The following CPVL variants were observed in gnomAD, a reference collection of about 807,000 sequenced individuals.
The protein encoded by CPVL is carboxypeptidase vitellogenic like.
Under a neutral mutation model 63.7 loss-of-function variants are expected in CPVL, and 51 were observed. The ratio of observed to expected loss-of-function variants is 0.80; its 90% CI spans 0.64 to 1.01. The LOEUF (loss-of-function observed/expected upper bound fraction) is 1.01, where lower values mean the gene tolerates loss of function less well. Ranked by LOEUF, CPVL falls within the 50% of genes least tolerant of loss-of-function variation. The pLI is 0.00. For synonymous variants in CPVL, 195 were observed against 206.0 expected (o/e 0.95, Z 0.46); for missense variants, 530 against 573.1 (o/e 0.92, Z 0.77).
At chr7:29,074,213 ACTC>A (rs1393782878) in intron 7 of CPVL, among the ~76,000 whole-genome samples, 2 of 152,102 alleles carry the variant, frequency 1.3e-5, no homozygotes, top group African/African-American at 2.4e-5. Flanking sequence ...TTATCCAAGA[ACTC>A]CTCATTGATA....
At chr7:29,167,410 A>G (rs895923387) in intron 5 of CPVL, among the ~76,000 whole-genome samples, 1 of 152,148 alleles carries the variant, frequency 6.6e-6, no homozygotes, top group Non-Finnish European at 1.5e-5. Context: ...CGGACATGAG[A>G]GCTATTTCCA....
intron 11 of CPVL, 150 bp from the exon 12 acceptor site, chr7:29,030,909 C>A: frequency 7.3e-6 from 5 of 681,850 alleles, no homozygotes; most frequent in Non-Finnish European, 1.2e-5. Context: ...GAATAACAAT[C>A]CGAAATAAAC....
At chr7:29,194,722 G>A in intron 1 of CPVL, 1 of 424,354 alleles carries the variant, frequency 2.4e-6, no homozygotes, top group Non-Finnish European at 4.1e-6. Context: ...GTGCAAAGGC[G>A]CGGAGCGGGA....
At chr7:29,160,275 A>G (rs1794998130) in intron 5 of CPVL, among the ~76,000 whole-genome samples, 1 of 152,224 alleles carries the variant, frequency 6.6e-6, no homozygotes, top group African/African-American at 2.4e-5. Flanking sequence ...TGAGCAGTAC[A>G]TTCTGGAACC....
chr7:29,148,690 G>C (rs1056564196), upstream of CPVL: 1 of 152,144 alleles, frequency 6.6e-6, no homozygotes, highest in Non-Finnish European at 1.5e-5. Context: ...CGGATTTGTC[G>C]TGTGTCAGGT....
At chr7:29,130,194 G>C (rs982155355) in intron 1 of CPVL, among the ~76,000 whole-genome samples, 6 of 152,222 alleles carry the variant, frequency 3.9e-5, no homozygotes, top group African/African-American at 1.4e-4. Flanking sequence ...TTGGGATGGA[G>C]GGTGTGAAGG....
At chr7:29,180,482 G>A (rs993418888) in intron 5 of CPVL, among the ~76,000 whole-genome samples, 3 of 151,946 alleles carry the variant, frequency 2.0e-5, no homozygotes, top group Non-Finnish European at 2.9e-5. Context: ...AGCCGAGATC[G>A]CGCCACTGCA....
At chr7:29,003,370 C>T (rs1459217644) in intron 12 of CPVL, among the ~76,000 whole-genome samples, 1 of 152,086 alleles carries the variant, frequency 6.6e-6, no homozygotes, top group Non-Finnish European at 1.5e-5. Context: ...ATCTGCCAAC[C>T]TAGAACTTGT....
chr7:29,167,929 G>A (rs1458481448), intron 5 of CPVL, among the ~76,000 whole-genome samples: 2 of 152,154 alleles, frequency 1.3e-5, no homozygotes, highest in Admixed American at 1.3e-4. Context: ...TGACAAGGAG[G>A]CCTACAACAT....
At chr7:29,073,752 A>G (rs911340889) in intron 7 of CPVL, among the ~76,000 whole-genome samples, 2 of 152,168 alleles carry the variant, frequency 1.3e-5, no homozygotes, top group Non-Finnish European at 2.9e-5. Context: ...TCTCCTACCC[A>G]TACTAGAATA....
intron 1 of CPVL, among the ~76,000 whole-genome samples, chr7:29,135,170 G>A (rs117206113): frequency 0.02 from 3,102 of 151,452 alleles, 47 homozygotes; most frequent in South Asian, 0.031. Context: ...ATCTGCAGAG[G>A]TATAGATATG....
At chr7:29,143,888 A>G (rs1224113551) in intron 1 of CPVL, among the ~76,000 whole-genome samples, 1 of 152,218 alleles carries the variant, frequency 6.6e-6, no homozygotes, top group Non-Finnish European at 1.5e-5. Context: ...GTTCAAGGTT[A>G]TACCTCTAAT....
intron 3 of CPVL, among the ~76,000 whole-genome samples, chr7:29,111,454 G>T (rs1468040986): frequency 6.6e-6 from 1 of 152,162 alleles, no homozygotes; most frequent in African/African-American, 2.4e-5. Flanking sequence ...GACCCTCAGG[G>T]TGAGTGTCTC....
At chr7:29,057,822 G>A (rs1225195419) in intron 11 of CPVL, among the ~76,000 whole-genome samples, 1 of 152,116 alleles carries the variant, frequency 6.6e-6, no homozygotes, top group African/African-American at 2.4e-5. Context: ...ATATTTATGT[G>A]GGTATATTTC....
chr7:29,077,651 C>T (rs1784360923), intron 7 of CPVL, among the ~76,000 whole-genome samples: 2 of 152,152 alleles, frequency 1.3e-5, no homozygotes. Context: ...CTTTGTATCC[C>T]CAGAAGGCAT....
At position 29,153,521 on chromosome 7, in the gene CPVL, G is replaced by A. The variant is rs113255163; in HGVS notation, c.-11+27769C>T. On this transcript the variant is annotated intron_variant, in intron 5 of 16. Transcript: ENST00000409850. ...AGACAATGAGGATGAAGACCTTTAT[G>A]GTGATCCAATTCCACTTAATGAACA... Among the ~76,000 whole-genome samples the A allele has an allele frequency of 2.6e-3, 390 of 152,124 alleles. 1 individual carries two copies. Among genetic ancestry groups the A allele is most frequent in the African/African-American group, 8.8e-3 (365 of 41,522 alleles).
chr7:29,026,303 T>C (rs909786103), intron 12 of CPVL, among the ~76,000 whole-genome samples: 6 of 152,144 alleles, frequency 3.9e-5, no homozygotes, highest in East Asian at 3.9e-4. Flanking sequence ...CCAAAACCTA[T>C]AGGATACAGC....
intron 11 of CPVL, among the ~76,000 whole-genome samples, chr7:29,054,362 T>C (rs1159371713): frequency 6.6e-6 from 1 of 152,218 alleles, no homozygotes; most frequent in Non-Finnish European, 1.5e-5. Flanking sequence ...AATTTTTTTG[T>C]TAAATCTGAA....
At chr7:29,062,379 G>A (rs370520311) in intron 11 of CPVL, among the ~76,000 whole-genome samples, 1 of 152,054 alleles carries the variant, frequency 6.6e-6, no homozygotes, top group East Asian at 1.9e-4. Context: ...AAGCACTAAG[G>A]GCCACTACAT....
Sources: gnomAD v4.1 joint callset for allele counts (sites outside exome capture counted in the v4.1 genomes callset) on GRCh38, gnomAD v4.1.1 for gene constraint, MANE v1.5 for transcripts, NCBI Gene and HGNC (gene_info 2026-07-23, HGNC 2026-07-21) for gene names.